Variants in CTSD observed in about 807,000 individuals in gnomAD.
The protein encoded by CTSD is cathepsin D, also known as ceroid-lipofuscinosis, neuronal 10.
A neutral mutation model predicts 43.6 loss-of-function variants in CTSD; 28 were observed. The observed-to-expected ratio is 0.64, with a 90% CI of 0.48 to 0.88. The LOEUF is 0.88. Among genes scored for constraint, CTSD ranks in the 40% least tolerant of loss-of-function variants. The pLI, the probability that CTSD is intolerant of heterozygous loss-of-function variation, is 0.00. For synonymous variants in CTSD, 270 were observed against 249.8 expected, an observed-to-expected ratio of 1.08 and a Z score of -0.76; for missense variants, 485 against 555.2, an observed-to-expected ratio of 0.87 and a Z score of 1.27.
chr11:1,761,219 G>A (rs1031084478), intron 2 of CTSD, 90 bp downstream of exon 2: 1 of 1,475,030 alleles, frequency 6.8e-7, no homozygotes, highest in Non-Finnish European at 9.5e-7. Flanking sequence ...CTGCGCTGCT[G>A]AGAACAGGAG....
Position 1,753,023 on chromosome 11 carries a change from G to A in CTSD, c.*480C>T. The stretch of plus-strand genomic sequence containing the variant: ...TCATCCTCAACGGGCCCGGGACACT[G>A]AACAGGTAGGGTGGCAGAGCCCAGC... On this transcript the variant is annotated 3_prime_UTR_variant, in exon 9 of 9. Coordinates refer to ENST00000236671, the MANE Select transcript of CTSD (RefSeq NM_001909.5). 1 of 274,096 alleles carries A rather than the reference G, an allele frequency of 3.6e-6. No individual in the cohort carries two copies. Among genetic ancestry groups the A allele is most frequent in the Non-Finnish European group, 7.2e-6 (1 of 138,378 alleles). 17.0% of individuals were successfully genotyped at this position (274,096 alleles called of 1,614,324 possible). A position where few individuals can be genotyped will look rare whatever the true frequency, so the allele number is the denominator to read the frequency against.
At chr11:1,759,479 C>A (rs768019849) in intron 3 of CTSD, 37 bp downstream of exon 3, 1 of 1,611,810 alleles carries the variant, frequency 6.2e-7, no homozygotes, top group South Asian at 1.1e-5. Flanking sequence ...CCCGGAAGGG[C>A]AGGACCTGGG....
intron 5 of CTSD, among the ~76,000 whole-genome samples, chr11:1,755,963 C>T (rs1433105211): frequency 1.3e-5 from 2 of 152,104 alleles, no homozygotes; most frequent in Non-Finnish European, 2.9e-5. Flanking sequence ...CCTGGCTCCA[C>T]TTCCTGCCCA....
At position 1,752,757 on chromosome 11, in the gene CTSD, G is replaced by C. The variant is rs1845742003; in HGVS notation, c.*746C>G. On this transcript the variant is annotated 3_prime_UTR_variant, in exon 9 of 9. Coordinates refer to ENST00000236671, the MANE Select transcript of CTSD (RefSeq NM_001909.5). ...AGGCACAAGAGCACACCAGCACAGA[G>C]GGGAGGCCGGAGGCCAACAACTGTA... The C allele has an allele frequency of 6.5e-6, 1 of 154,432 alleles. No individual in the cohort carries two copies. The highest frequency in any genetic ancestry group is 2.4e-5 in the African/African-American group (1 of 41,472). The allele number at this position is 154,432 out of a possible 1,614,324, so 9.6% of individuals were successfully genotyped here.
rs551607350 is a variant in CTSD, at chr11:1,753,363, C to A, written c.*140G>T. 3.6e-4 allele frequency: 364 copies of A among 1,007,902 alleles called. 8 individuals are homozygous for A. In the South Asian group the frequency reaches 4.5e-3, roughly 13 times the overall value. 62.4% of individuals were successfully genotyped at this position (1,007,902 alleles called of 1,614,324 possible). ...CCACAGAACAAAACAGCAAGTCGGGCTTGGGCCGCCGGCTTCCAGGGCGCC... is the reference window on the plus strand; with the variant it reads ...CCACAGAACAAAACAGCAAGTCGGGATTGGGCCGCCGGCTTCCAGGGCGCC... On this transcript the variant is annotated 3_prime_UTR_variant, in exon 9 of 9. Transcript: ENST00000236671.
At position 1,753,161 on chromosome 11, in the gene CTSD, G is replaced by C. The variant is rs1050822; in HGVS notation, c.*342C>G. On this transcript the variant is annotated 3_prime_UTR_variant, in exon 9 of 9. Transcript: ENST00000236671. ...CAGCCCAGCGGGCGCTGGTAGGGCCGGGGAGGGGACTCCCTGGAGATGAAG... is the reference window on the plus strand; with the variant it reads ...CAGCCCAGCGGGCGCTGGTAGGGCCCGGGAGGGGACTCCCTGGAGATGAAG... The C allele has an allele frequency of 5.2e-6, 2 of 381,428 alleles. No homozygotes were observed. Among genetic ancestry groups the C allele is most frequent in the Admixed American group, 7.6e-5 (2 of 26,248 alleles). 23.6% of individuals were successfully genotyped at this position (381,428 alleles called of 1,614,324 possible). A position where few individuals can be genotyped will look rare whatever the true frequency, so the allele number is the denominator to read the frequency against.
chr11:1,761,564 C>G, intron 1 of CTSD, 96 bp from the exon 2 acceptor site: 1 of 1,399,762 alleles, frequency 7.1e-7, no homozygotes, highest in Non-Finnish European at 1.0e-6. Flanking sequence ...CCTGGGGAAT[C>G]TCAGAGTCGC....
At chr11:1,756,098 G>T (rs1187547032) in intron 5 of CTSD, among the ~76,000 whole-genome samples, 1 of 151,802 alleles carries the variant, frequency 6.6e-6, no homozygotes, top group Non-Finnish European at 1.5e-5. Flanking sequence ...CCCCGACCTG[G>T]GTACTCATAC....
intron 1 of CTSD, 83 bp from the exon 2 acceptor site, chr11:1,761,551 G>A: frequency 2.7e-6 from 4 of 1,483,966 alleles, no homozygotes; most frequent in Non-Finnish European, 3.7e-6. Flanking sequence ...CCACCTGGAG[G>A]CCCCTGGGGA....
intron 5 of CTSD, among the ~76,000 whole-genome samples, chr11:1,755,641 A>G (rs1845800185): frequency 6.6e-6 from 1 of 152,144 alleles, no homozygotes; most frequent in African/African-American, 2.4e-5. Flanking sequence ...ACATTGCTCA[A>G]GTACAGCTTT....
chr11:1,753,567 C>T lies in CTSD; in HGVS notation c.1175G>A (p.Arg392His), dbSNP rs374531851. ...GTCACGGTCAAACACAGTGTAGTAG[C>T]GGCCGATGAAGACGTCGCCCAGGAT... is the stretch of plus-strand genomic sequence containing the variant. The part of the protein sequence containing the change: ...LWILGDVFIG[R>H]YYTVFDRDNN... Residue 392 changes from arginine (R) to histidine (H), a missense_variant, in exon 9 of 9, where the codon CGC (arginine) becomes CAC (histidine). Arg to His is a conservative substitution (Grantham distance 29, BLOSUM62 0). Transcript: ENST00000236671. 5.1e-5 allele frequency: 83 copies of T among 1,612,936 alleles called. 1 individual carries two copies. The highest frequency in any genetic ancestry group is 2.2e-4 in the Admixed American group (13 of 60,004).
At chr11:1,763,028 G>A (rs2133667929) in intron 1 of CTSD, 1 of 152,526 alleles carries the variant, frequency 6.6e-6, no homozygotes, top group Non-Finnish European at 1.5e-5. Flanking sequence ...TACCCCTCCT[G>A]GGAATGCGGG....
chr11:1,754,523 GA>G (rs1183336467), intron 6 of CTSD, among the ~76,000 whole-genome samples: 1 of 78,342 alleles, frequency 1.3e-5, no homozygotes, highest in Non-Finnish European at 3.1e-5. Context: ...TGGAGGGATG[GA>G]GGGGATGGAG....
rs750415207 is a variant in CTSD, at chr11:1,759,561, G to C, written c.307C>G (p.Leu103Val). The change falls in exon 3 of 9, where the codon CTG becomes GTG. Residue 103 changes from leucine (L) to valine (V), a missense_variant. Transcript: ENST00000236671. ...TVVFDTGSSN[L>V]WVPSIHCKLL... ...TTGCAGTGGATGGAGGGGACCCACA[G>C]GTTGGAGGAGCCCGTGTCGAAGACG... 5 of 1,613,494 alleles carry C rather than the reference G, an allele frequency of 3.1e-6. No homozygotes were observed. Among genetic ancestry groups the C allele is most frequent in the Admixed American group, 1.7e-5 (1 of 60,014 alleles).
chr11:1,759,562 G>T lies in CTSD; in HGVS notation c.306C>A (p.Asn102Lys). The T allele has an allele frequency of 6.2e-7, 1 of 1,613,574 alleles. No individual in the cohort carries two copies. Among genetic ancestry groups the T allele is most frequent in the Non-Finnish European group, 8.5e-7 (1 of 1,179,982 alleles). Residue 102 changes from asparagine (N) to lysine (K), a missense_variant, in exon 3 of 9, where the codon AAC becomes AAA. Asn to Lys is a moderately conservative substitution (Grantham distance 94). Transcript: ENST00000236671. ...FTVVFDTGSS[N>K]LWVPSIHCKL... ...TGCAGTGGATGGAGGGGACCCACAG[G>T]TTGGAGGAGCCCGTGTCGAAGACGA...
intron 3 of CTSD, among the ~76,000 whole-genome samples, 181 bp from the exon 4 acceptor site, chr11:1,759,268 C>A (rs1845845908): frequency 6.6e-6 from 1 of 152,156 alleles, no homozygotes; most frequent in Admixed American, 6.5e-5. Context: ...TGGGCTGTGA[C>A]CCCGGGCCTC....
intron 6 of CTSD, among the ~76,000 whole-genome samples, chr11:1,754,508 A>AGGGATGGAGGGATGGAGGGATGGAG (rs1845777657): frequency 1.2e-4 from 3 of 24,462 alleles, no homozygotes; most frequent in Non-Finnish European, 2.2e-4. Context: ...GTGGGGATGG[A>AGGGATGGAGGGATGGAGGGATGGAG]GGGATGGAGG....
At chr11:1,762,342 A>G (rs2133667257) in intron 1 of CTSD, 1 of 152,384 alleles carries the variant, frequency 6.6e-6, no homozygotes, top group South Asian at 2.1e-4. Flanking sequence ...CCAGGAAGCG[A>G]GTAAGAGAGA....
intron 1 of CTSD, 116 bp downstream of exon 1, chr11:1,763,676 C>CG (rs1590909888): frequency 2.8e-5 from 29 of 1,017,944 alleles, no homozygotes; most frequent in Non-Finnish European, 3.6e-5. Flanking sequence ...CATTCCAGCG[C>CG]GGGGGGCGCA....
Sources: gnomAD v4.1 joint callset for allele counts (sites outside exome capture counted in the v4.1 genomes callset) on GRCh38, gnomAD v4.1.1 for gene constraint, MANE v1.5 for transcripts, NCBI Gene and HGNC (gene_info 2026-07-23, HGNC 2026-07-21) for gene names.